Variants in ZNF184 observed in about 807,000 individuals in gnomAD.
ZNF184 encodes the protein zinc finger protein 184 (Kruppel-like).
A neutral mutation model predicts 54.4 loss-of-function variants in ZNF184; 16 were observed. That is an observed-to-expected ratio of 0.29 (90% CI 0.20 to 0.45). The LOEUF (loss-of-function observed/expected upper bound fraction) is 0.45. Among genes scored for constraint, ZNF184 ranks in the 20% least tolerant of loss-of-function variants. ZNF184 has a pLI of 1.00. For synonymous variants in ZNF184, 254 were observed against 295.3 expected (o/e 0.86, Z 1.43); for missense variants, 681 against 888.2 (o/e 0.77, Z 2.97).
At chr6:27,470,103 A>G (rs1763237878) in intron 2 of ZNF184, among the ~76,000 whole-genome samples, 1 of 152,344 alleles carries the variant, frequency 6.6e-6, no homozygotes, top group African/African-American at 2.4e-5. Flanking sequence ...AGAGACAGCT[A>G]ACTGGCCTAG....
Position 27,472,416 on chromosome 6 carries a change from A to G in ZNF184, c.-122T>C. 1 of 1,260,886 alleles carries G rather than the reference A, an allele frequency of 7.9e-7. No individual in the cohort carries two copies. Among genetic ancestry groups the G allele is most frequent in the East Asian group, 2.5e-5 (1 of 40,724 alleles). 78.1% of individuals were successfully genotyped at this position (1,260,886 alleles called of 1,614,324 possible). A position where few individuals can be genotyped will look rare whatever the true frequency, so the allele number is the denominator to read the frequency against. ...ACTCCCCTTGCAGGGAATCTGCAAC[A>G]CGCTGAGGTTGTCTACCCTAAAAGA... is the stretch of plus-strand genomic sequence containing the variant. On this transcript the variant is annotated 5_prime_UTR_variant, in exon 2 of 6. Transcript: ENST00000683788. This position sits in a 1 kb window ranked among gnomAD's most constrained non-coding sequence, Gnocchi z 4.8.
rs570583471 is a variant in ZNF184, at chr6:27,459,458, G to A, written c.76-2049C>T. 1.2e-4 allele frequency among the ~76,000 whole-genome samples: 18 copies of A among 151,754 alleles called. No individual in the cohort carries two copies. The East Asian group carries it at 2.1e-3, about 18-fold the overall frequency. Reference sequence around the variant, plus strand: ...CAACAACCCAAATAGGCAAGTCACCGAGGAAAATGTGAAACCATGAAAAGA... The same window carrying A: ...CAACAACCCAAATAGGCAAGTCACCAAGGAAAATGTGAAACCATGAAAAGA... On this transcript the variant is annotated intron_variant, in intron 3 of 5. Coordinates refer to ENST00000683788, the MANE Select transcript of ZNF184 (RefSeq NM_001318891.2).
At chr6:27,456,115 A>G (rs1762846918) in intron 5 of ZNF184, among the ~76,000 whole-genome samples, 1 of 152,050 alleles carries the variant, frequency 6.6e-6, no homozygotes, top group South Asian at 2.1e-4. Flanking sequence ...AAAATTAGCC[A>G]GGCATGGTGG....
chr6:27,468,188 A>G (rs975416896), intron 2 of ZNF184, among the ~76,000 whole-genome samples: 7 of 152,226 alleles, frequency 4.6e-5, no homozygotes, highest in Admixed American at 1.3e-4. Flanking sequence ...GTTCCTCATT[A>G]AATGAGGCAA....
intron 3 of ZNF184, among the ~76,000 whole-genome samples, chr6:27,460,232 T>G (rs373613979): frequency 6.6e-6 from 1 of 152,196 alleles, no homozygotes; most frequent in Non-Finnish European, 1.5e-5. Context: ...CAAATACTAT[T>G]GGTGGGACTG....
the ZNF184 span, among the ~76,000 whole-genome samples, chr6:27,431,091 CA>C: frequency 1.3e-5 from 2 of 152,142 alleles, no homozygotes; most frequent in African/African-American, 4.8e-5. Flanking sequence ...TACCTTATTT[CA>C]CCAATAGACC....
At position 27,452,723 on chromosome 6, in the gene ZNF184, T is replaced by G; in HGVS notation, c.836A>C (p.Lys279Thr). The G allele has an allele frequency of 6.2e-7, 1 of 1,614,142 alleles. No homozygotes were observed. The highest frequency in any genetic ancestry group is 1.1e-5 in the South Asian group (1 of 91,076). ...QRIHTGDKPY[K>T]CDQCGKGFIE... ...GAAGCCTTTTCCACACTGATCACAT[T>G]TATATGGTTTATCTCCAGTATGAAT... is the stretch of plus-strand genomic sequence containing the variant. Residue 279 changes from lysine (K) to threonine (T), a missense_variant, in exon 6 of 6, where the codon AAA becomes ACA. Lys to Thr is a moderately conservative substitution (Grantham distance 78). Coordinates refer to ENST00000683788, the MANE Select transcript of ZNF184 (RefSeq NM_001318891.2). This position sits in a 1 kb window ranked among gnomAD's most constrained non-coding sequence, Gnocchi z 5.5.
At chr6:27,411,213 G>A in the ZNF184 span, among the ~76,000 whole-genome samples, 1 of 152,068 alleles carries the variant, frequency 6.6e-6, no homozygotes, top group African/African-American at 2.4e-5. Context: ...AGTGACGGAA[G>A]GGCAAAAGAG....
In ZNF184 at chr6:27,451,170, C is replaced by T; in HGVS notation, c.*133G>A. 3.6e-6 allele frequency: 4 copies of T among 1,097,790 alleles called. No individual in the cohort carries two copies. The highest frequency in any genetic ancestry group is 1.6e-5 in the African/African-American group (1 of 63,478). The allele number at this position is 1,097,790 out of a possible 1,614,324, so 68.0% of individuals were successfully genotyped here. A position where few individuals can be genotyped will look rare whatever the true frequency, so the allele number is the denominator to read the frequency against. On this transcript the variant is annotated 3_prime_UTR_variant, in exon 6 of 6. Transcript: ENST00000683788. ...GATTAGTTCAGCCCAATGTACTTTC[C>T]ATTCCATAACATGATAGTGAAAATT...
chr6:27,464,602 A>G (rs896333251), intron 3 of ZNF184, among the ~76,000 whole-genome samples: 1 of 152,224 alleles, frequency 6.6e-6, no homozygotes, highest in Admixed American at 6.5e-5. Context: ...ACAGCAAGGT[A>G]AAAGACTTAT....
At chr6:27,418,116 G>A in the ZNF184 span, among the ~76,000 whole-genome samples, 1 of 152,214 alleles carries the variant, frequency 6.6e-6, no homozygotes, top group Non-Finnish European at 1.5e-5. Flanking sequence ...AATGGAGGCT[G>A]TATCTTTCCA....
intron 5 of ZNF184, among the ~76,000 whole-genome samples, chr6:27,456,335 T>C (rs1166342264): frequency 1.3e-5 from 2 of 152,176 alleles, no homozygotes; most frequent in Non-Finnish European, 2.9e-5. Context: ...AGCCTGCAGT[T>C]ATGGAATTCA....
At chr6:27,427,366 GC>G in the ZNF184 span, among the ~76,000 whole-genome samples, 1 of 152,142 alleles carries the variant, frequency 6.6e-6, no homozygotes, top group African/African-American at 2.4e-5. Context: ...AGTTGGTAAA[GC>G]TATTCTTCCT....
intron 3 of ZNF184, among the ~76,000 whole-genome samples, chr6:27,462,148 G>C (rs2113726005): frequency 6.6e-6 from 1 of 152,242 alleles, no homozygotes; most frequent in African/African-American, 2.4e-5. Context: ...TAAAAGGCCT[G>C]AAAGGAACAC....
In ZNF184 at chr6:27,453,318, G is replaced by A; in HGVS notation, c.299-58C>T. 3.4e-6 allele frequency: 5 copies of A among 1,452,006 alleles called. No individual in the cohort carries two copies. Among genetic ancestry groups the A allele is most frequent in the Non-Finnish European group, 3.7e-6 (4 of 1,088,488 alleles). 89.9% of individuals were successfully genotyped at this position (1,452,006 alleles called of 1,614,324 possible). The stretch of plus-strand genomic sequence containing the variant: ...AATAGAGAAAAAATAAACTGCTATT[G>A]TGGGAATAATATAATGATACTGAAA... On this transcript the variant is annotated intron_variant, in intron 5 of 5. Coordinates refer to ENST00000683788, the MANE Select transcript of ZNF184 (RefSeq NM_001318891.2). The surrounding 1 kb of genome is among the most constrained non-coding windows in gnomAD (Gnocchi z 4.7).
chr6:27,434,350 C>T, the ZNF184 span, among the ~76,000 whole-genome samples: 1 of 152,158 alleles, frequency 6.6e-6, no homozygotes, highest in Admixed American at 6.5e-5. Context: ...TTTTCCTTTG[C>T]TTTAATAGTA....
the ZNF184 span, among the ~76,000 whole-genome samples, chr6:27,420,669 C>A: frequency 0.51 from 77,721 of 152,118 alleles, 20,542 homozygotes; most frequent in Middle Eastern, 0.72. Context: ...AGGATGTGGA[C>A]AAATAGGAGC....
At chr6:27,464,735 G>A (rs1213618769) in intron 3 of ZNF184, among the ~76,000 whole-genome samples, 1 of 151,958 alleles carries the variant, frequency 6.6e-6, no homozygotes, top group Non-Finnish European at 1.5e-5. Flanking sequence ...AGCAAAACCC[G>A]GCCGGGCACA....
the ZNF184 span, among the ~76,000 whole-genome samples, chr6:27,413,066 G>A: frequency 7.1e-6 from 1 of 141,570 alleles, no homozygotes; most frequent in Non-Finnish European, 1.5e-5. Context: ...GAGAAACCCT[G>A]TCTCTACTAT....
Sources: gnomAD v4.1 joint callset for allele counts (sites outside exome capture counted in the v4.1 genomes callset) on GRCh38, gnomAD v4.1.1 for gene constraint, Gnocchi (gnomAD v3.1) non-coding constraint, MANE v1.5 for transcripts, NCBI Gene and HGNC (gene_info 2026-07-23, HGNC 2026-07-21) for gene names.